Variants in CLEC20A observed in about 807,000 individuals in gnomAD.
CLEC20A encodes the protein C-type lectin domain containing 20A, also known as putative C-type lectin domain family 20 member A.
At chr1:178,483,514 C>A in intron 5 of CLEC20A, 1 of 359,616 alleles carries the variant, frequency 2.8e-6, no homozygotes, top group Non-Finnish European at 4.9e-6. Flanking sequence ...TTCAGAAAGC[C>A]CCCCTGGCAG....
intron 2 of CLEC20A, chr1:178,493,431 C>T: frequency 6.5e-6 from 1 of 152,714 alleles, no homozygotes; most frequent in East Asian, 1.9e-4. Context: ...TGGACTGAGC[C>T]TTGGCTGACA....
chr1:178,498,401 A>G (rs1234301105), upstream of CLEC20A, among the ~76,000 whole-genome samples: 1 of 152,066 alleles, frequency 6.6e-6, no homozygotes, highest in Non-Finnish European at 1.5e-5. Flanking sequence ...AGACCAGCCT[A>G]GGCAACATAG....
chr1:178,480,411 GT>G (rs1448135158), intron 7 of CLEC20A: 3 of 152,200 alleles, frequency 2.0e-5, no homozygotes, highest in African/African-American at 7.2e-5. Context: ...GTGGCTTCTG[GT>G]TTGGAGTCAG....
chr1:178,487,641 C>G (rs1649181404), intron 5 of CLEC20A, among the ~76,000 whole-genome samples: 2 of 152,268 alleles, frequency 1.3e-5, no homozygotes, highest in Admixed American at 6.5e-5. Flanking sequence ...AAGCACCAGC[C>G]TCTTCCCAAC....
intron 3 of CLEC20A, among the ~76,000 whole-genome samples, chr1:178,491,335 G>A (rs1649262113): frequency 6.6e-6 from 1 of 152,204 alleles, no homozygotes; most frequent in African/African-American, 2.4e-5. Context: ...TGAGTCGGGA[G>A]TCACATCCTC....
intron 7 of CLEC20A, chr1:178,481,461 C>G (rs899016379): frequency 6.6e-6 from 1 of 152,216 alleles, no homozygotes; most frequent in African/African-American, 2.4e-5. Flanking sequence ...CTCTCTAGCA[C>G]TGACATTCTG....
chr1:178,497,171 C>T (rs548011142), upstream of CLEC20A: 9 of 390,358 alleles, frequency 2.3e-5, no homozygotes, highest in South Asian at 1.4e-4. Context: ...CTGGAGGATG[C>T]GGAAGAGATC....
At chr1:178,498,752 G>A (rs1012755973), upstream of CLEC20A, among the ~76,000 whole-genome samples, 4 of 152,158 alleles carry the variant, frequency 2.6e-5, no homozygotes, top group African/African-American at 4.8e-5. Flanking sequence ...GCCTAAGGGC[G>A]AAGACTTTCA....
chr1:178,486,430 G>A (rs977295254), intron 5 of CLEC20A: 4 of 398,666 alleles, frequency 1.0e-5, no homozygotes, highest in Non-Finnish European at 1.8e-5. Flanking sequence ...ACGCAGACAG[G>A]CACCTGTTTG....
In CLEC20A at chr1:178,488,971, G is replaced by C. The variant is rs575334617; in HGVS notation, c.830-372C>G. ...ACCGGGTAAGGGGTTTCTTTGAGGT[G>C]GGGGGGGCGGTGATGAAAATGTCCT... is the stretch of plus-strand genomic sequence containing the variant. On this transcript the variant is annotated intron_variant, in intron 4 of 7. Coordinates refer to ENST00000623247, the Ensembl canonical transcript of CLEC20A. Among the ~76,000 whole-genome samples, 37 of 146,074 alleles carry C rather than the reference G, an allele frequency of 2.5e-4. No individual in the cohort carries two copies. The South Asian group carries it at 5.0e-3, about 20-fold the overall frequency.
chr1:178,485,447 C>T (rs1466983822), intron 5 of CLEC20A, among the ~76,000 whole-genome samples: 1 of 152,204 alleles, frequency 6.6e-6, no homozygotes, highest in Non-Finnish European at 1.5e-5. Flanking sequence ...TGACATCTGT[C>T]TTTACCCATG....
chr1:178,486,652 G>A (rs1395247040), intron 5 of CLEC20A: 3 of 398,620 alleles, frequency 7.5e-6, no homozygotes, highest in Non-Finnish European at 1.3e-5. Context: ...TATCCTGGGA[G>A]TAGCTGGGGC....
Position 178,494,817 on chromosome 1 carries a change from C to T in CLEC20A, c.41-7G>A. ...CTGCTCACCAGCTGCAGGGCTGGAA[C>T]AGGAGAGGCTGTCATAGCATGGCTG... is the stretch of plus-strand genomic sequence containing the variant. On this transcript the variant is annotated splice_polypyrimidine_tract_variant and splice_region_variant and intron_variant, in intron 1 of 7. Transcript: ENST00000623247. 1 of 399,280 alleles carries T rather than the reference C, an allele frequency of 2.5e-6. No individual in the cohort carries two copies. The allele number at this position is 399,280 out of a possible 1,614,324, so 24.7% of individuals were successfully genotyped here.
chr1:178,498,351 A>C (rs1649448317), upstream of CLEC20A, among the ~76,000 whole-genome samples: 1 of 152,080 alleles, frequency 6.6e-6, no homozygotes, highest in East Asian at 1.9e-4. Flanking sequence ...CAGGACTTTG[A>C]GAAACCGAGG....
At chr1:178,489,661 A>T (rs575810363) in intron 4 of CLEC20A, among the ~76,000 whole-genome samples, 8 of 152,266 alleles carry the variant, frequency 5.3e-5, no homozygotes, top group African/African-American at 1.9e-4. Context: ...GCTCTCAAAG[A>T]CATCCTATGA....
upstream of CLEC20A, among the ~76,000 whole-genome samples, chr1:178,499,034 C>T (rs934667067): frequency 6.6e-6 from 1 of 152,180 alleles, no homozygotes; most frequent in African/African-American, 2.4e-5. Context: ...CTGGAAGATG[C>T]TGCCCTGCCA....
intron 4 of CLEC20A, among the ~76,000 whole-genome samples, chr1:178,489,133 C>T (rs562342019): frequency 3.7e-4 from 56 of 152,204 alleles, no homozygotes; most frequent in African/African-American, 1.2e-3. Context: ...GAGGCCAAGG[C>T]GGGTGGATCA....
intron 5 of CLEC20A, chr1:178,486,537 C>T (rs1468797764): frequency 2.5e-6 from 1 of 398,630 alleles, no homozygotes; most frequent in African/African-American, 2.1e-5. Flanking sequence ...CGGCTGGGCT[C>T]CCTAAGCCAA....
chr1:178,482,612 C>G, intron 6 of CLEC20A: 1 of 377,144 alleles, frequency 2.7e-6, no homozygotes, highest in Non-Finnish European at 4.7e-6. Context: ...TTGGGTAATG[C>G]GAAGTCTTCC....
Sources: gnomAD v4.1 joint callset for allele counts (sites outside exome capture counted in the v4.1 genomes callset) on GRCh38, gnomAD v4.1.1 for gene constraint, MANE v1.5 for transcripts, NCBI Gene and HGNC (gene_info 2026-07-23, HGNC 2026-07-21) for gene names.